GUF1: variants seen among roughly 807,000 people sequenced by gnomAD.
GUF1 encodes GTP binding elongation factor GUF1.
Under a neutral mutation model 82.4 loss-of-function variants are expected in GUF1, and 78 were observed. That is an observed-to-expected ratio of 0.95 (90% confidence interval 0.79 to 1.14). The LOEUF (loss-of-function observed/expected upper bound fraction) is 1.14. GUF1 is among the 50% of genes most tolerant of loss of function. GUF1 has a pLI of 0.00. For synonymous variants in GUF1, 279 were observed against 282.3 expected (o/e 0.99, Z 0.12); for missense variants, 814 against 798.2 (o/e 1.02, Z -0.24).
chr4:44,687,461 G>T (rs934763869), intron 8 of GUF1, among the ~76,000 whole-genome samples: 4 of 151,346 alleles, frequency 2.6e-5, no homozygotes, highest in Non-Finnish European at 4.4e-5. Context: ...TTCATTTAAG[G>T]TTCTTAAAGC....
rs1226254067 is a variant in GUF1 at position 44,694,486 on chromosome 4, T to C, written c.1688T>C (p.Val563Ala). 3 of 1,600,830 alleles carry C rather than the reference T, an allele frequency of 1.9e-6. No individual in the cohort carries two copies. Among genetic ancestry groups the C allele is most frequent in the Admixed American group, 3.3e-5 (2 of 59,894 alleles). ...KMDILLNGNT[V>A]EELVTVVHKD... ...GATATTCTACTGAATGGAAATACTG[T>C]AGAGGAGCTAGTAACTGTTGTACAC... Residue 563 changes from valine to alanine, a missense_variant, in exon 14 of 17, where the codon GTA (valine) becomes GCA (alanine). Transcript: ENST00000281543.
chr4:44,689,798 C>A (rs1715309034), intron 10 of GUF1, 45 bp from the exon 11 acceptor site: 3 of 1,502,262 alleles, frequency 2.0e-6, no homozygotes, highest in Non-Finnish European at 1.8e-6. Flanking sequence ...AAAAATGAAG[C>A]CCATGGGACA....
In GUF1 at chr4:44,686,607, G is replaced by C. The variant is rs769603260; in HGVS notation, c.832G>C (p.Gly278Arg). ...GATAGCCAATGTAGCATTATTTGAC[G>C]GAGTGGTTTCCAAAGGAGATAAAAT... Reference protein sequence around the residue: ...GVIANVALFDGVVSKGDKIVS... With the variant: ...GVIANVALFDRVVSKGDKIVS... Residue 278 changes from glycine (G) to arginine (R), a missense_variant, in exon 8 of 17, where the codon GGA (glycine) becomes CGA (arginine). Physicochemically the swap from Gly to Arg is moderately radical, Grantham distance 125 (BLOSUM62 -2). Transcript: ENST00000281543. The C allele has an allele frequency of 6.2e-7, 1 of 1,611,520 alleles. No individual in the cohort carries two copies. Among genetic ancestry groups the C allele is most frequent in the Admixed American group, 1.7e-5 (1 of 59,912 alleles).
At position 44,695,675 on chromosome 4, in the gene GUF1, G is replaced by C. The variant is rs1307587261; in HGVS notation, c.1776G>C (p.Arg592Ser). Residue 592 changes from arginine to serine, a missense_variant, in exon 15 of 17, where the codon AGG (arginine) becomes AGC (serine). Transcript: ENST00000281543. ...ICERLKDSLP[R>S]QLFEIAIQAA... ...AACGGCTGAAGGATTCTCTTCCTAG[G>C]CAACTGTTTGAGATAGCAATTCAAG... The C allele has an allele frequency of 6.2e-7, 1 of 1,613,262 alleles. No homozygotes were observed. The highest frequency in any genetic ancestry group is 8.5e-7 in the Non-Finnish European group (1 of 1,179,458).
rs114561404 is a variant in GUF1, at chr4:44,685,111, C to G, written c.670-848C>G. On this transcript the variant is annotated intron_variant, in intron 6 of 16. Transcript: ENST00000281543. Reference sequence around the variant, plus strand: ...GGAGGGTGAAGCTGATGGACAGCATCAAGTAGTATATTCAATAGTTACAAG... The same window carrying G: ...GGAGGGTGAAGCTGATGGACAGCATGAAGTAGTATATTCAATAGTTACAAG... 5.9e-3 allele frequency among the ~76,000 whole-genome samples: 904 copies of G among 152,194 alleles called. 7 individuals are homozygous for G. Among genetic ancestry groups the G allele is most frequent in the African/African-American group, 0.02 (842 of 41,530 alleles).
chr4:44,683,097 T>A, intron 5 of GUF1, 138 bp from the exon 6 acceptor site: 1 of 518,900 alleles, frequency 1.9e-6, no homozygotes, highest in Non-Finnish European at 3.4e-6. Context: ...TATAGATTAT[T>A]TTACTGCTTT....
At position 44,680,752 on chromosome 4, in the gene GUF1, A is replaced by G. The variant is rs1292170238; in HGVS notation, c.336A>G (p.Arg112=). 6.2e-7 allele frequency: 1 copy of G among 1,611,688 alleles called. No individual in the cohort carries two copies. Among genetic ancestry groups the G allele is most frequent in the Non-Finnish European group, 8.5e-7 (1 of 1,178,324 alleles). The change falls in exon 3 of 17, where the codon CGA becomes CGG. Residue 112 remains arginine, a synonymous_variant. Transcript: ENST00000281543. ...TTCTTGATAAATTGCAAGTGGAACG[A>G]GAAAGAGGAATCACTGTTAAAGCAC... ...KQVLDKLQVE[R]ERGITVKAQT... is the part of the protein sequence containing the mutation.
At chr4:44,688,397 A>C (rs1375726661) in intron 9 of GUF1, among the ~76,000 whole-genome samples, 1 of 151,806 alleles carries the variant, frequency 6.6e-6, no homozygotes, top group Non-Finnish European at 1.5e-5. Context: ...GGATACAGTA[A>C]TATAAATTTC....
At chr4:44,698,399 A>C in intron 16 of GUF1, 145 bp from the exon 17 acceptor site, 1 of 573,494 alleles carries the variant, frequency 1.7e-6, no homozygotes, top group Non-Finnish European at 3.0e-6. Flanking sequence ...CAGTAAAATT[A>C]GATCTGCTAG....
At chr4:44,697,962 A>G (rs759507749) in intron 16 of GUF1, among the ~76,000 whole-genome samples, 1 of 152,140 alleles carries the variant, frequency 6.6e-6, no homozygotes, top group African/African-American at 2.4e-5. Flanking sequence ...CCTGGCCAAC[A>G]TGGTGAAACC....
chr4:44,698,124 T>C (rs1352822699), intron 16 of GUF1, among the ~76,000 whole-genome samples: 1 of 152,090 alleles, frequency 6.6e-6, no homozygotes, highest in Non-Finnish European at 1.5e-5. Flanking sequence ...CCAGCCTGGG[T>C]GAGAGGGAAA....
Position 44,688,117 on chromosome 4 carries a change from T to A in GUF1, c.1049T>A (p.Phe350Tyr). The part of the protein sequence containing the change: ...HKQPVEPLPG[F>Y]KSAKPMVFAG... ...CAACCAGTGGAGCCCTTGCCTGGGT[T>A]TAAATCAGCGAAACCAATGGTATTT... is the stretch of plus-strand genomic sequence containing the variant. Residue 350 changes from phenylalanine (F) to tyrosine (Y), a missense_variant, in exon 9 of 17, where the codon TTT becomes TAT. By Grantham distance (22) the Phe-to-Tyr change is conservative. Transcript: ENST00000281543. The A allele has an allele frequency of 6.2e-7, 1 of 1,611,732 alleles. No individual in the cohort carries two copies. Among genetic ancestry groups the A allele is most frequent in the Non-Finnish European group, 8.5e-7 (1 of 1,178,394 alleles).
At chr4:44,695,426 T>G (rs1476836879) in intron 14 of GUF1, among the ~76,000 whole-genome samples, 189 bp from the exon 15 acceptor site, 1 of 152,242 alleles carries the variant, frequency 6.6e-6, no homozygotes, top group Non-Finnish European at 1.5e-5. Flanking sequence ...CTAAATATTC[T>G]GTAATCATAC....
rs1279813372 is a variant in GUF1, at chr4:44,700,593, C to T, written c.*1912C>T. 4 of 152,174 alleles carry T rather than the reference C, an allele frequency of 2.6e-5. No individual in the cohort carries two copies. Among genetic ancestry groups the T allele is most frequent in the African/African-American group, 9.7e-5 (4 of 41,440 alleles). 9.4% of individuals were successfully genotyped at this position (152,174 alleles called of 1,614,324 possible). A position where few individuals can be genotyped will look rare whatever the true frequency, so the allele number is the denominator to read the frequency against. On this transcript the variant is annotated 3_prime_UTR_variant, in exon 17 of 17. Transcript: ENST00000281543. ...AAATGTGTAAAACCAAGCTGTGCCCCAACCACCTTGGGCACATGTGGTGAG... is the reference window on the plus strand; with the variant it reads ...AAATGTGTAAAACCAAGCTGTGCCCTAACCACCTTGGGCACATGTGGTGAG...
chr4:44,679,838 A>T (rs985062020), intron 1 of GUF1, among the ~76,000 whole-genome samples: 1 of 152,178 alleles, frequency 6.6e-6, no homozygotes, highest in African/African-American at 2.4e-5. Context: ...TGTTTCAGTA[A>T]AACGTTAAAG....
rs1368887557 is a variant in GUF1, at chr4:44,699,764, GGTTA to G, written c.*1087_*1090del. 1.3e-5 allele frequency: 2 copies of G among 152,192 alleles called. No homozygotes were observed. The highest frequency in any genetic ancestry group is 2.4e-5 in the African/African-American group (1 of 41,454). 9.4% of individuals were successfully genotyped at this position (152,192 alleles called of 1,614,324 possible). On this transcript the variant is annotated 3_prime_UTR_variant, in exon 17 of 17. Transcript: ENST00000281543. ...AAAATGTTTATAGATTTTATCAGGT[GGTTA>G]GTTTGAAACTAAATGGTTTACATCT...
intron 4 of GUF1, 119 bp downstream of exon 4, chr4:44,681,322 T>C: frequency 2.9e-6 from 2 of 692,162 alleles, no homozygotes; most frequent in Non-Finnish European, 5.1e-6. Flanking sequence ...AGATTTAATC[T>C]GTTACTTACT....
Position 44,688,121 on chromosome 4 carries a change from A to G in GUF1, c.1053A>G (p.Lys351=). 6.2e-7 allele frequency: 1 copy of G among 1,611,770 alleles called. No homozygotes were observed. The highest frequency in any genetic ancestry group is 1.1e-5 in the South Asian group (1 of 90,942). ...KQPVEPLPGF[K]SAKPMVFAGM... The stretch of plus-strand genomic sequence containing the variant: ...CAGTGGAGCCCTTGCCTGGGTTTAA[A>G]TCAGCGAAACCAATGGTATTTGCAG... Residue 351 remains lysine (K), a synonymous_variant, in exon 9 of 17, where the codon AAA becomes AAG. Transcript: ENST00000281543.
chr4:44,680,666 AAATATC>A, intron 2 of GUF1, 22 bp from the exon 3 acceptor site: 4 of 1,502,654 alleles, frequency 2.7e-6, no homozygotes, highest in Non-Finnish European at 3.6e-6. Context: ...AAGCCCAGAG[AAATATC>A]AATAAGTGTT....
Sources: allele counts gnomAD v4.1 joint callset (sites outside exome capture counted in the v4.1 genomes callset), GRCh38; gene constraint gnomAD v4.1.1; transcripts MANE v1.5; gene names NCBI Gene and HGNC (gene_info 2026-07-23, HGNC 2026-07-21).